CD55: variants seen among roughly 807,000 people sequenced by gnomAD.
CD55 encodes complement decay-accelerating factor.
In CD55, 41 loss-of-function variants were observed where a neutral mutation model predicts 45.8. The ratio of observed to expected loss-of-function variants is 0.90; its 90% CI spans 0.70 to 1.16. The LOEUF is 1.16. Among genes scored for constraint, CD55 ranks in the 50% most tolerant of loss-of-function variants. The pLI, the probability that CD55 is intolerant of heterozygous loss-of-function variation, is 0.00. For missense variants in CD55, 416 were observed against 469.8 expected (o/e 0.89, Z 1.06); for synonymous variants, 181 against 181.1 (o/e 1.00, Z 0.01).
intron 9 of CD55, among the ~76,000 whole-genome samples, chr1:207,341,390 A>T (rs1572890425): frequency 6.6e-6 from 1 of 152,012 alleles, no homozygotes; most frequent in Non-Finnish European, 1.5e-5. Context: ...TAGTATTTTT[A>T]TAGTTGTGGA....
At chr1:207,328,998 G>GTA (rs1455600155) in intron 5 of CD55, among the ~76,000 whole-genome samples, 1 of 152,144 alleles carries the variant, frequency 6.6e-6, no homozygotes. Context: ...ACATACCCAA[G>GTA]ACATGTCCAC....
At chr1:207,353,985 C>A (rs775839657) in intron 9 of CD55, 263 of 1,530,392 alleles carry the variant, frequency 1.7e-4, no homozygotes, top group Non-Finnish European at 2.1e-4. Flanking sequence ...ATAGCACATG[C>A]ATTGCATTTC....
chr1:207,350,599 C>T (rs986801051), intron 9 of CD55, among the ~76,000 whole-genome samples: 8 of 151,988 alleles, frequency 5.3e-5, no homozygotes, highest in Non-Finnish European at 1.2e-4. Context: ...TGTATTTTTC[C>T]AAGAATTTAC....
chr1:207,335,018 G>C lies in CD55; in HGVS notation c.854-1675G>C, dbSNP rs28738987. On this transcript the variant is annotated intron_variant, in intron 6 of 9. Coordinates refer to ENST00000367064, the MANE Select transcript of CD55 (RefSeq NM_000574.5). ...TAACCCTTCAAAATAAGCTGACACA[G>C]TTACATTAATATCAATGTATATTTT... Among the ~76,000 whole-genome samples, 1,076 of 152,184 alleles carry C rather than the reference G, an allele frequency of 7.1e-3. 13 individuals are homozygous for C. Among genetic ancestry groups the C allele is most frequent in the African/African-American group, 0.025 (1,022 of 41,532 alleles).
chr1:207,330,851 A>G (rs1479295144), intron 5 of CD55, among the ~76,000 whole-genome samples: 2 of 152,124 alleles, frequency 1.3e-5, no homozygotes, highest in Non-Finnish European at 2.9e-5. Flanking sequence ...TCTTTTACAT[A>G]CATGTTCTGA....
chr1:207,336,954 C>T (rs1558149907), intron 7 of CD55, 136 bp downstream of exon 7: 2 of 941,046 alleles, frequency 2.1e-6, no homozygotes, highest in East Asian at 5.0e-5. Flanking sequence ...TAGAAACCCA[C>T]CACAATAAAT....
chr1:207,341,694 G>A (rs1352710020), intron 9 of CD55, among the ~76,000 whole-genome samples: 2 of 151,654 alleles, frequency 1.3e-5, no homozygotes, highest in African/African-American at 2.4e-5. Flanking sequence ...GATGCTGCCA[G>A]CTTTGTTTTT....
At chr1:207,345,615 T>C (rs1655601314) in intron 9 of CD55, among the ~76,000 whole-genome samples, 1 of 152,222 alleles carries the variant, frequency 6.6e-6, no homozygotes, top group African/African-American at 2.4e-5. Context: ...AGAATTATTG[T>C]GTTCCTTTGG....
rs28371589 is a variant in CD55 at position 207,322,684 on chromosome 1, G to GTA, written c.286+120_286+121dup. On this transcript the variant is annotated intron_variant, in intron 2 of 9. Transcript: ENST00000367064. ...TTCTCTAGCGTTACTAAACCCCAGG[G>GTA]TATACCCTGTTGGCACGTCACACTC... The GTA allele has an allele frequency of 5.6e-3, 4,833 of 869,548 alleles. 28 individuals are homozygous for GTA. Among genetic ancestry groups the GTA allele is most frequent in the Non-Finnish European group, 6.9e-3 (4,016 of 581,000 alleles). 53.9% of individuals were successfully genotyped at this position (869,548 alleles called of 1,614,324 possible).
chr1:207,344,276 T>C (rs1655542776), intron 9 of CD55, among the ~76,000 whole-genome samples: 1 of 152,228 alleles, frequency 6.6e-6, no homozygotes, highest in Non-Finnish European at 1.5e-5. Context: ...TTCATAACAT[T>C]TTAGTCTTTT....
At chr1:207,349,006 C>T (rs1655758594) in intron 9 of CD55, among the ~76,000 whole-genome samples, 1 of 151,970 alleles carries the variant, frequency 6.6e-6, no homozygotes, top group Non-Finnish European at 1.5e-5. Context: ...GTGATGCTTC[C>T]AGCTTTGTTC....
rs1655224945 is a variant in CD55 at position 207,337,310 on chromosome 1, C to T, written c.980-19C>T. The T allele has an allele frequency of 6.6e-7, 1 of 1,508,680 alleles. No homozygotes were observed. The highest frequency in any genetic ancestry group is 2.3e-5 in the East Asian group (1 of 44,378). The allele number at this position is 1,508,680 out of a possible 1,614,324, so 93.5% of individuals were successfully genotyped here. A position where few individuals can be genotyped will look rare whatever the true frequency, so the allele number is the denominator to read the frequency against. Reference sequence around the variant, plus strand: ...TGGTCTCAAGAGTACACAAAGATTCCCTTCTGCTCATATTACAGCAACACG... The same window carrying T: ...TGGTCTCAAGAGTACACAAAGATTCTCTTCTGCTCATATTACAGCAACACG... On this transcript the variant is annotated intron_variant, in intron 7 of 9. Transcript: ENST00000367064.
intron 9 of CD55, among the ~76,000 whole-genome samples, chr1:207,351,825 A>G (rs1655878675): frequency 6.6e-6 from 1 of 152,018 alleles, no homozygotes. Flanking sequence ...ATACCCTTTG[A>G]TTTTCTAGAA....
intron 9 of CD55, 110 bp from the exon 10 acceptor site, chr1:207,359,436 C>A: frequency 8.8e-7 from 1 of 1,130,772 alleles, no homozygotes; most frequent in Non-Finnish European, 1.2e-6. Context: ...CCCAAATTAA[C>A]TGATTCTTTT....
rs527468687 is a variant in CD55, at chr1:207,332,894, C to T, written c.853+1598C>T. ...CCATCCTGATGTAAGGCAGTTTTCC[C>T]TAGGGACCTTTGCTGATTCTGAACC... is the stretch of plus-strand genomic sequence containing the variant. On this transcript the variant is annotated intron_variant, in intron 6 of 9. Coordinates refer to ENST00000367064, the MANE Select transcript of CD55 (RefSeq NM_000574.5). Among the ~76,000 whole-genome samples the T allele has an allele frequency of 8.7e-4, 133 of 152,248 alleles. 3 individuals are homozygous for T. In the South Asian group the frequency reaches 0.027, roughly 31 times the overall value.
At chr1:207,356,937 A>G (rs1197108408) in intron 9 of CD55, among the ~76,000 whole-genome samples, 1 of 152,178 alleles carries the variant, frequency 6.6e-6, no homozygotes, top group Non-Finnish European at 1.5e-5. Context: ...TACAAACTTG[A>G]GTTATTTCTA....
intron 5 of CD55, 32 bp downstream of exon 5, chr1:207,326,869 G>T: frequency 1.5e-6 from 2 of 1,375,786 alleles, no homozygotes; most frequent in Non-Finnish European, 2.1e-6. Flanking sequence ...CACTCAGATT[G>T]TGAGGCTGAG....
chr1:207,354,866 G>A (rs1373559290), intron 9 of CD55, among the ~76,000 whole-genome samples: 1 of 152,202 alleles, frequency 6.6e-6, no homozygotes, highest in African/African-American at 2.4e-5. Flanking sequence ...ATGTATATGT[G>A]TTGAGCATTG....
At chr1:207,333,356 G>T (rs536127152) in intron 6 of CD55, among the ~76,000 whole-genome samples, 1 of 152,336 alleles carries the variant, frequency 6.6e-6, no homozygotes, top group African/African-American at 2.4e-5. Flanking sequence ...CAGAAGCCCG[G>T]AAGGGCCACT....
Sources: gnomAD v4.1 joint callset for allele counts (sites outside exome capture counted in the v4.1 genomes callset) on GRCh38, gnomAD v4.1.1 for gene constraint, MANE v1.5 for transcripts, NCBI Gene and HGNC (gene_info 2026-07-23, HGNC 2026-07-21) for gene names.